The following GLTP variants were observed in gnomAD, a reference collection of about 807,000 sequenced individuals.
The protein encoded by GLTP is glycolipid transfer protein.
GLTP carries 22 observed loss-of-function variants against 24.0 expected under a neutral mutation model. The ratio of observed to expected loss-of-function variants is 0.92; its 90% CI spans 0.65 to 1.31. The LOEUF (loss-of-function observed/expected upper bound fraction) is 1.31. GLTP is among the 50% of genes most tolerant of loss of function. The pLI, the probability that GLTP is intolerant of heterozygous loss-of-function variation, is 0.00. For missense variants in GLTP, 224 were observed against 276.6 expected (o/e 0.81, Z 1.35); for synonymous variants, 92 against 115.9 (o/e 0.79, Z 1.33).
In GLTP at chr12:109,855,878, C is replaced by G; in HGVS notation, c.297-109G>C. 1.2e-6 allele frequency: 1 copy of G among 806,150 alleles called. No homozygotes were observed. The highest frequency in any genetic ancestry group is 1.9e-6 in the Non-Finnish European group (1 of 529,558). 49.9% of individuals were successfully genotyped at this position (806,150 alleles called of 1,614,324 possible). A position where few individuals can be genotyped will look rare whatever the true frequency, so the allele number is the denominator to read the frequency against. ...TACTGTGAGCCAGGAACATGGGCGC[C>G]CCAGAGGGAGTGGTTATTCCCTAAT... On this transcript the variant is annotated intron_variant, in intron 3 of 4. Transcript: ENST00000318348. The surrounding 1 kb of genome is among the most constrained non-coding windows in gnomAD (Gnocchi z 4.1).
At chr12:109,860,490 A>T (rs889387099) in intron 1 of GLTP, 1 of 153,968 alleles carries the variant, frequency 6.5e-6, no homozygotes, top group African/African-American at 2.4e-5. Context: ...ATAAATGCAT[A>T]AAATAAAGGC....
Position 109,873,563 on chromosome 12 carries a change from C to T in GLTP, c.103+6709G>A, listed in dbSNP as rs180872611. On this transcript the variant is annotated intron_variant, in intron 1 of 4. Transcript: ENST00000318348. ...CCAGGAGAATCACTTGAACCCAGGA[C>T]GCAGAGGTTGCAGTGAGCCGAGATC... Among the ~76,000 whole-genome samples the T allele has an allele frequency of 1.3e-4, 19 of 147,464 alleles. No individual in the cohort carries two copies. In the East Asian group the frequency reaches 2.6e-3, roughly 20 times the overall value.
At chr12:109,858,217 A>C (rs1408398368) in intron 2 of GLTP, 4 of 457,372 alleles carry the variant, frequency 8.7e-6, no homozygotes, top group South Asian at 1.5e-5. Context: ...ATAACACAGG[A>C]CCAGCCTCAA....
At chr12:109,878,439 A>G (rs1868954265) in intron 1 of GLTP, among the ~76,000 whole-genome samples, 1 of 151,874 alleles carries the variant, frequency 6.6e-6, no homozygotes, top group Non-Finnish European at 1.5e-5. Context: ...CCATCCCCCA[A>G]CTCAGTTGCA....
At chr12:109,873,235 C>A (rs1267332089) in intron 1 of GLTP, among the ~76,000 whole-genome samples, 1 of 151,722 alleles carries the variant, frequency 6.6e-6, no homozygotes, top group Non-Finnish European at 1.5e-5. Context: ...TAGGTGGTCC[C>A]AAATCTCAGA....
In GLTP at chr12:109,855,108, T is replaced by G. The variant is rs567741390; in HGVS notation, c.447+511A>C. On this transcript the variant is annotated intron_variant, in intron 4 of 4. Coordinates refer to ENST00000318348, the MANE Select transcript of GLTP (RefSeq NM_016433.4). This position sits in a 1 kb window ranked among gnomAD's most constrained non-coding sequence, Gnocchi z 4.1. ...GGGCTGTCCGCCTGGTGATCAACTGTAGGGCCCTCACCTAACCAGGCAGGT... is the reference window on the plus strand; with the variant it reads ...GGGCTGTCCGCCTGGTGATCAACTGGAGGGCCCTCACCTAACCAGGCAGGT... Among the ~76,000 whole-genome samples the G allele has an allele frequency of 1.3e-5, 2 of 152,302 alleles. No individual in the cohort carries two copies. Among genetic ancestry groups the G allele is most frequent in the Admixed American group, 1.3e-4 (2 of 15,310 alleles).
At chr12:109,867,255 T>C (rs1055835510) in intron 1 of GLTP, among the ~76,000 whole-genome samples, 3 of 151,366 alleles carry the variant, frequency 2.0e-5, no homozygotes, top group African/African-American at 7.3e-5. Context: ...CTTAAGCAAT[T>C]CTCGTGCCTC....
chr12:109,856,529 G>A (rs951431613), intron 3 of GLTP, among the ~76,000 whole-genome samples: 3 of 152,184 alleles, frequency 2.0e-5, no homozygotes, highest in African/African-American at 7.2e-5. Flanking sequence ...AGGCCAGGAT[G>A]TGAACCCTGC....
chr12:109,863,532 ATC>A (rs1309775055), intron 1 of GLTP, among the ~76,000 whole-genome samples: 1 of 152,176 alleles, frequency 6.6e-6, no homozygotes, highest in African/African-American at 2.4e-5. Flanking sequence ...GAAACGTGGA[ATC>A]TGTCAGCGTA....
chr12:109,874,675 ATGAT>A (rs1428235108), intron 1 of GLTP, among the ~76,000 whole-genome samples: 2 of 152,224 alleles, frequency 1.3e-5, no homozygotes, highest in Non-Finnish European at 2.9e-5. Context: ...AAACAGCATC[ATGAT>A]TGATTAATGA....
Position 109,851,048 on chromosome 12 carries a change from C to A in GLTP, c.*1507G>T, listed in dbSNP as rs1407007377. On this transcript the variant is annotated 3_prime_UTR_variant, in exon 5 of 5. Transcript: ENST00000318348. ...TTTTCTTTTAAAACACACATCAACT[C>A]TTTTGGGGTTGCTTTGTTTGCCCCA... 2 of 152,556 alleles carry A rather than the reference C, an allele frequency of 1.3e-5. No homozygotes were observed. Among genetic ancestry groups the A allele is most frequent in the African/African-American group, 4.8e-5 (2 of 41,406 alleles). 9.5% of individuals were successfully genotyped at this position (152,556 alleles called of 1,614,324 possible). A position where few individuals can be genotyped will look rare whatever the true frequency, so the allele number is the denominator to read the frequency against.
At position 109,861,695 on chromosome 12, in the gene GLTP, C is replaced by T. The variant is rs139402689; in HGVS notation, c.104-2954G>A. On this transcript the variant is annotated intron_variant, in intron 1 of 4. Coordinates refer to ENST00000318348, the MANE Select transcript of GLTP (RefSeq NM_016433.4). ...CCTGGGAGGCAGAGGTTGCAATGAG[C>T]CGAGATTGTGCCACTGCACTCCAGC... is the stretch of plus-strand genomic sequence containing the variant. Among the ~76,000 whole-genome samples the T allele has an allele frequency of 1.1e-3, 161 of 152,214 alleles. 1 individual carries two copies. The East Asian group carries it at 0.026, about 25-fold the overall frequency.
chr12:109,868,834 A>G (rs1001529209), intron 1 of GLTP, among the ~76,000 whole-genome samples: 1 of 152,158 alleles, frequency 6.6e-6, no homozygotes, highest in Non-Finnish European at 1.5e-5. Context: ...ATGGAGATGA[A>G]TCATTTATTA....
intron 1 of GLTP, among the ~76,000 whole-genome samples, chr12:109,873,518 C>A (rs916714849): frequency 6.6e-6 from 1 of 151,630 alleles, no homozygotes; most frequent in African/African-American, 2.4e-5. Flanking sequence ...TCTGTAATCC[C>A]AGCTACTGGG....
In GLTP at chr12:109,852,462, A is replaced by G. The variant is rs1892738009; in HGVS notation, c.*93T>C. ...TGGGCTGCTCTGGGGGACACAGGCC[A>G]GGGGCAGTTCACCGACTTGATTCAC... On this transcript the variant is annotated 3_prime_UTR_variant, in exon 5 of 5. Coordinates refer to ENST00000318348, the MANE Select transcript of GLTP (RefSeq NM_016433.4). The G allele has an allele frequency of 3.9e-6, 3 of 771,924 alleles. No individual in the cohort carries two copies. In the East Asian group the frequency reaches 8.0e-5, roughly 21 times the overall value. The allele number at this position is 771,924 out of a possible 1,614,324, so 47.8% of individuals were successfully genotyped here.
At chr12:109,869,133 C>T (rs11068680) in intron 1 of GLTP, among the ~76,000 whole-genome samples, 1 of 151,908 alleles carries the variant, frequency 6.6e-6, no homozygotes, top group East Asian at 1.9e-4. Context: ...GAACCCGTTT[C>T]TACTAAAAAT....
chr12:109,854,952 A>C (rs573457546), intron 4 of GLTP, among the ~76,000 whole-genome samples: 104 of 152,346 alleles, frequency 6.8e-4, no homozygotes, highest in African/African-American at 2.0e-3. Flanking sequence ...GTGGGCAGGC[A>C]GAGGGAGCTG....
At chr12:109,854,351 G>A (rs994112029) in intron 4 of GLTP, among the ~76,000 whole-genome samples, 2 of 129,378 alleles carry the variant, frequency 1.5e-5, no homozygotes, top group Non-Finnish European at 3.1e-5. Context: ...CAGCGACAGA[G>A]TGAGACCCTG....
Position 109,852,563 on chromosome 12 carries a change from T to C in GLTP, c.622A>G (p.Lys208Glu), listed in dbSNP as rs1213787142. ...TCCAGCAGTGGGCATGCCTACACCT[T>C]GTAGTTAAGCTCAGCGTTCATCTGG... ...YTQMNAELNY[K>E]V is the part of the protein sequence containing the mutation. The change falls in exon 5 of 5, where the codon AAG becomes GAG. Residue 208 changes from lysine to glutamate, a missense_variant. By Grantham distance (56) the Lys-to-Glu change is moderately conservative. Coordinates refer to ENST00000318348, the MANE Select transcript of GLTP (RefSeq NM_016433.4). The C allele has an allele frequency of 2.5e-6, 4 of 1,604,456 alleles. No individual in the cohort carries two copies. Among genetic ancestry groups the C allele is most frequent in the Non-Finnish European group, 3.4e-6 (4 of 1,172,020 alleles).
Sources: gnomAD v4.1 joint callset for allele counts (sites outside exome capture counted in the v4.1 genomes callset) on GRCh38, gnomAD v4.1.1 for gene constraint, Gnocchi (gnomAD v3.1) non-coding constraint, MANE v1.5 for transcripts, NCBI Gene and HGNC (gene_info 2026-07-23, HGNC 2026-07-21) for gene names.